Variants in FBXW11 observed in about 807,000 individuals in gnomAD.
The protein encoded by FBXW11 is F-box and WD repeat domain containing 11.
Under a neutral mutation model 77.6 loss-of-function variants are expected in FBXW11, and 19 were observed. The observed-to-expected ratio is 0.24, with a 90% CI of 0.17 to 0.36. FBXW11 has a LOEUF of 0.36. Among genes scored for constraint, FBXW11 ranks in the 10% least tolerant of loss-of-function variants. The pLI is 1.00. For synonymous variants in FBXW11, 235 were observed against 249.4 expected (o/e 0.94, Z 0.54); for missense variants, 334 against 704.2 (o/e 0.47, Z 5.95).
chr5:171,923,029 C>T (rs1761685947), intron 2 of FBXW11, among the ~76,000 whole-genome samples: 1 of 152,146 alleles, frequency 6.6e-6, no homozygotes, highest in African/African-American at 2.4e-5. Flanking sequence ...ATACTCGTGC[C>T]TCAGCCTCCC....
chr5:171,930,623 G>C (rs1762117168), intron 2 of FBXW11, among the ~76,000 whole-genome samples: 1 of 151,680 alleles, frequency 6.6e-6, no homozygotes, highest in Admixed American at 6.6e-5. Context: ...GAAAACCAGA[G>C]ACCTTTGTTC....
chr5:171,963,447 G>A (rs1478315510), intron 1 of FBXW11, among the ~76,000 whole-genome samples: 1 of 152,194 alleles, frequency 6.6e-6, no homozygotes, highest in Non-Finnish European at 1.5e-5. Context: ...TAATTAGAGA[G>A]ACAGGGAGGG....
At chr5:171,950,350 C>A (rs1396929452) in intron 2 of FBXW11, among the ~76,000 whole-genome samples, 1 of 151,700 alleles carries the variant, frequency 6.6e-6, no homozygotes, top group Non-Finnish European at 1.5e-5. Flanking sequence ...AATCACTGAG[C>A]TGTACACACT....
intron 2 of FBXW11, among the ~76,000 whole-genome samples, chr5:171,944,542 A>G (rs1159413630): frequency 1.5e-5 from 2 of 133,040 alleles, no homozygotes; most frequent in Admixed American, 1.9e-4. Context: ...GCGCCACTGC[A>G]CTCCAGCCTG....
chr5:171,944,074 A>C (rs839281), intron 2 of FBXW11, among the ~76,000 whole-genome samples: 10,384 of 152,214 alleles, frequency 0.068, 913 homozygotes, highest in African/African-American at 0.21. Context: ...AAAGACTCTA[A>C]GCACCCAAAG....
intron 2 of FBXW11, among the ~76,000 whole-genome samples, chr5:171,931,869 C>T (rs1231277768): frequency 1.0e-5 from 1 of 99,736 alleles, no homozygotes; most frequent in Non-Finnish European, 1.8e-5. Flanking sequence ...CCCTCTCTCT[C>T]TCTCTCTCTC....
At chr5:171,950,135 C>A (rs1015861786) in intron 2 of FBXW11, among the ~76,000 whole-genome samples, 1 of 152,032 alleles carries the variant, frequency 6.6e-6, no homozygotes, top group Non-Finnish European at 1.5e-5. Context: ...AATCTTAATT[C>A]ATCATGTTAC....
rs1459201292 is a variant in FBXW11, at chr5:171,932,500, G to A, written c.148-18095C>T. On this transcript the variant is annotated intron_variant, in intron 2 of 13. Coordinates refer to ENST00000517395, the MANE Select transcript of FBXW11 (RefSeq NM_001378974.1). ...TTTTTAATTTGTACAAATTTATGGG[G>A]TAGATGTGAAATTCTGTTACATGTA... Among the ~76,000 whole-genome samples the A allele has an allele frequency of 2.6e-5, 4 of 152,058 alleles. No individual in the cohort carries two copies. In the East Asian group the frequency reaches 7.7e-4, roughly 29 times the overall value.
At chr5:171,880,424 G>T (rs1276016557) in intron 7 of FBXW11, among the ~76,000 whole-genome samples, 1 of 152,120 alleles carries the variant, frequency 6.6e-6, no homozygotes. Flanking sequence ...GTTTTTGCTT[G>T]TCCATATAAA....
chr5:171,890,294 A>C (rs937210215), intron 7 of FBXW11, among the ~76,000 whole-genome samples: 21 of 152,082 alleles, frequency 1.4e-4, no homozygotes, highest in African/African-American at 4.6e-4. Flanking sequence ...ACTTTGGGGC[A>C]GGCGCATTAC....
intron 1 of FBXW11, among the ~76,000 whole-genome samples, chr5:172,005,530 G>A (rs561370809): frequency 6.6e-6 from 1 of 152,216 alleles, no homozygotes; most frequent in South Asian, 2.1e-4. Flanking sequence ...ACCCCTTCTG[G>A]TTTCAAATCC....
At chr5:171,952,322 C>T (rs1256237860) in intron 2 of FBXW11, among the ~76,000 whole-genome samples, 1 of 144,772 alleles carries the variant, frequency 6.9e-6, no homozygotes, top group Admixed American at 7.0e-5. Flanking sequence ...AAGTCTATTT[C>T]GTAAATTTTC....
At chr5:171,920,590 G>A (rs1761539048) in intron 2 of FBXW11, among the ~76,000 whole-genome samples, 1 of 151,834 alleles carries the variant, frequency 6.6e-6, no homozygotes, top group African/African-American at 2.4e-5. Context: ...GCCAAGCCTC[G>A]TAACTATTCA....
intron 1 of FBXW11, among the ~76,000 whole-genome samples, chr5:171,957,950 GA>G (rs1452955965): frequency 1.3e-5 from 2 of 152,180 alleles, no homozygotes; most frequent in African/African-American, 4.8e-5. Flanking sequence ...GGGACAGAGA[GA>G]ATGTTTAAAC....
chr5:171,954,851 T>A (rs1450133937), intron 2 of FBXW11, among the ~76,000 whole-genome samples: 1 of 152,076 alleles, frequency 6.6e-6, no homozygotes, highest in Non-Finnish European at 1.5e-5. Flanking sequence ...AATAGTGAGG[T>A]TTCTACAAAT....
At position 171,876,311 on chromosome 5, in the gene FBXW11, A is replaced by G; in HGVS notation, c.1195T>C (p.Ser399Pro). ...TTGATGGTCCTGTCACCAGAGGCAG[A>G]CACGATGTACTTGTCGTCAAAGTCT... ...VVDFDDKYIVSASGDRTIKVW... is the reference protein window; with the variant it reads ...VVDFDDKYIVPASGDRTIKVW... Residue 399 changes from serine to proline, a missense_variant, in exon 9 of 14, where the codon TCT becomes CCT. Physicochemically the swap from Ser to Pro is moderately conservative, Grantham distance 74. Around this residue, in one of 10 missense-constraint regions of FBXW11, gnomAD observed 50 missense variants for 119.6 expected, o/e 0.42. Coordinates refer to ENST00000517395, the MANE Select transcript of FBXW11 (RefSeq NM_001378974.1). This position sits in a 1 kb window ranked among gnomAD's most constrained non-coding sequence, Gnocchi z 4.2. 1 of 1,614,236 alleles carries G rather than the reference A, an allele frequency of 6.2e-7. No individual in the cohort carries two copies. The highest frequency in any genetic ancestry group is 8.5e-7 in the Non-Finnish European group (1 of 1,180,034).
chr5:171,967,883 T>TACAC lies in FBXW11; in HGVS notation c.46-10189_46-10186dup, dbSNP rs59469025. On this transcript the variant is annotated intron_variant, in intron 1 of 13. Coordinates refer to ENST00000517395, the MANE Select transcript of FBXW11 (RefSeq NM_001378974.1). ...ATATATATATATATATATATATATATACACACACACACACACACACACACA... is the reference window on the plus strand; with the variant it reads ...ATATATATATATATATATATATATATACACACACACACACACACACACACACACA... Among the ~76,000 whole-genome samples the TACAC allele has an allele frequency of 1.5e-3, 112 of 74,956 alleles. 1 individual carries two copies. The highest frequency in any genetic ancestry group is 0.014 in the Middle Eastern group (2 of 138). The allele number at this position is 74,956 out of a possible 152,430, so 49.2% of individuals were successfully genotyped here.
In FBXW11 at chr5:171,981,534, C is replaced by T. The variant is rs541719396; in HGVS notation, c.46-23836G>A. Among the ~76,000 whole-genome samples the T allele has an allele frequency of 2.6e-5, 4 of 152,276 alleles. No homozygotes were observed. In the South Asian group the frequency reaches 6.2e-4, roughly 24 times the overall value. On this transcript the variant is annotated intron_variant, in intron 1 of 13. Coordinates refer to ENST00000517395, the MANE Select transcript of FBXW11 (RefSeq NM_001378974.1). ...GGATCTCACTAGCTCCAGGTAAATA[C>T]AGTCAGAATTGAATTGAACTACAGG...
At chr5:171,977,735 T>G in intron 1 of FBXW11, 1 of 367,438 alleles carries the variant, frequency 2.7e-6, no homozygotes, top group Non-Finnish European at 5.3e-6. Context: ...GAGAGAAGCT[T>G]GTGCAGGGAA....
Sources: allele counts gnomAD v4.1 joint callset (sites outside exome capture counted in the v4.1 genomes callset), GRCh38; gene constraint gnomAD v4.1.1; regional missense constraint gnomAD v4.1.1; non-coding constraint Gnocchi (gnomAD v3.1); transcripts MANE v1.5; gene names NCBI Gene and HGNC (gene_info 2026-07-23, HGNC 2026-07-21).